CAMSAP2: variants seen among roughly 807,000 people sequenced by gnomAD.
The protein encoded by CAMSAP2 is calmodulin regulated spectrin associated protein family member 2.
In CAMSAP2, 26 loss-of-function variants were observed where a neutral mutation model predicts 146.1. That is an observed-to-expected ratio of 0.18 (90% CI 0.13 to 0.25). The LOEUF (loss-of-function observed/expected upper bound fraction) is 0.25. Among genes scored for constraint, CAMSAP2 ranks in the 10% least tolerant of loss-of-function variants. CAMSAP2 has a pLI of 1.00. For missense variants in CAMSAP2, 1,381 were observed against 1,759.3 expected (o/e 0.78, Z 3.85); for synonymous variants, 499 against 596.6 (o/e 0.84, Z 2.38).
chr1:200,739,765 T>G lies in CAMSAP2; in HGVS notation c.-63T>G. On this transcript the variant is annotated 5_prime_UTR_variant, in exon 1 of 17. Transcript: ENST00000358823. This position sits in a 1 kb window ranked among gnomAD's most constrained non-coding sequence, Gnocchi z 4.8. ...GCTTCTCCCTCCCTCCCGACCCCCG[T>G]GGTGGCGAGGCCACGCCATGTGAAG... 37 of 1,406,658 alleles carry G rather than the reference T, an allele frequency of 2.6e-5. No individual in the cohort carries two copies. The highest frequency in any genetic ancestry group is 3.4e-5 in the Non-Finnish European group (35 of 1,034,188). The allele number at this position is 1,406,658 out of a possible 1,614,324, so 87.1% of individuals were successfully genotyped here. A position where few individuals can be genotyped will look rare whatever the true frequency, so the allele number is the denominator to read the frequency against.
At chr1:200,781,551 GT>G (rs528277186) in intron 2 of CAMSAP2, among the ~76,000 whole-genome samples, 3 of 151,274 alleles carry the variant, frequency 2.0e-5, no homozygotes, top group African/African-American at 7.3e-5. Flanking sequence ...GTTTGTTTTT[GT>G]TTTTTTTGAG....
At chr1:200,768,233 G>A (rs1273390966) in intron 2 of CAMSAP2, among the ~76,000 whole-genome samples, 1 of 152,166 alleles carries the variant, frequency 6.6e-6, no homozygotes, top group African/African-American at 2.4e-5. Flanking sequence ...GGATGCGGAG[G>A]AATTTACCAC....
Position 200,858,078 on chromosome 1 carries a change from T to A in CAMSAP2, c.*19T>A. 1 of 1,527,694 alleles carries A rather than the reference T, an allele frequency of 6.5e-7. No homozygotes were observed. Among genetic ancestry groups the A allele is most frequent in the Non-Finnish European group, 8.8e-7 (1 of 1,141,242 alleles). 94.6% of individuals were successfully genotyped at this position (1,527,694 alleles called of 1,614,324 possible). On this transcript the variant is annotated 3_prime_UTR_variant, in exon 17 of 17. Coordinates refer to ENST00000358823, the MANE Select transcript of CAMSAP2 (RefSeq NM_203459.4). Reference sequence around the variant, plus strand: ...GGCATAGAAGTTGGGAAATACTTGCTTCAGAACATTCATGGTAAATTTGCA... The same window carrying A: ...GGCATAGAAGTTGGGAAATACTTGCATCAGAACATTCATGGTAAATTTGCA...
Position 200,739,942 on chromosome 1 carries a change from C to G in CAMSAP2, c.115C>G (p.Leu39Val), listed in dbSNP as rs1280293289. 20 of 1,614,050 alleles carry G rather than the reference C, an allele frequency of 1.2e-5. No individual in the cohort carries two copies. The highest frequency in any genetic ancestry group is 1.7e-5 in the Non-Finnish European group (20 of 1,180,008). Residue 39 changes from leucine (L) to valine (V), a missense_variant, in exon 1 of 17, where the codon CTG becomes GTG. By Grantham distance (32) the Leu-to-Val change is conservative (BLOSUM62 1). Transcript: ENST00000358823. The surrounding 1 kb of genome is among the most constrained non-coding windows in gnomAD (Gnocchi z 4.8). ...RAKIACNLAW[L>V]VAKAFGTENV... is the part of the protein sequence containing the mutation. ...CAAAATCGCCTGCAATCTGGCCTGGCTGGTGGCCAAAGCCTTTGGGACAGG... is the reference window on the plus strand; with the variant it reads ...CAAAATCGCCTGCAATCTGGCCTGGGTGGTGGCCAAAGCCTTTGGGACAGG...
chr1:200,763,316 A>T (rs1410186050), intron 2 of CAMSAP2, among the ~76,000 whole-genome samples: 2 of 152,122 alleles, frequency 1.3e-5, no homozygotes, highest in African/African-American at 2.4e-5. Context: ...AGGCTGGCGG[A>T]TCACCTGAGG....
rs71635518 is a variant in CAMSAP2, at chr1:200,849,533, C to T, written c.2764C>T (p.Pro922Ser). The change falls in exon 11 of 17, where the codon CCA (proline) becomes TCA (serine). Residue 922 changes from proline to serine, a missense_variant. Transcript: ENST00000358823. This position sits in a 1 kb window ranked among gnomAD's most constrained non-coding sequence, Gnocchi z 6.3. ...REQQSWVISPPQPSPQKQIRD... is the reference protein window; with the variant it reads ...REQQSWVISPSQPSPQKQIRD... ...GCAACAATCTTGGGTGATTTCACCT[C>T]CACAACCCTCTCCACAGAAACAGAT... 1 of 1,614,194 alleles carries T rather than the reference C, an allele frequency of 6.2e-7. No individual in the cohort carries two copies. Among genetic ancestry groups the T allele is most frequent in the South Asian group, 1.1e-5 (1 of 91,088 alleles).
chr1:200,770,671 C>T (rs1665091025), intron 2 of CAMSAP2, among the ~76,000 whole-genome samples: 1 of 152,164 alleles, frequency 6.6e-6, no homozygotes, highest in African/African-American at 2.4e-5. Flanking sequence ...ACCTCGGCCT[C>T]CCAAAGTGCT....
At chr1:200,841,588 A>G (rs554522081) in intron 6 of CAMSAP2, among the ~76,000 whole-genome samples, 7 of 152,252 alleles carry the variant, frequency 4.6e-5, no homozygotes, top group African/African-American at 1.4e-4. Flanking sequence ...TACGTTTTGG[A>G]GAAATTTCTA....
At chr1:200,764,608 CT>C (rs1664888922) in intron 2 of CAMSAP2, among the ~76,000 whole-genome samples, 1 of 151,982 alleles carries the variant, frequency 6.6e-6, no homozygotes, top group South Asian at 2.1e-4. Flanking sequence ...AATAACATGC[CT>C]TGTATGCATA....
At chr1:200,821,625 T>C (rs1558194433) in intron 4 of CAMSAP2, among the ~76,000 whole-genome samples, 1 of 152,184 alleles carries the variant, frequency 6.6e-6, no homozygotes, top group Non-Finnish European at 1.5e-5. Flanking sequence ...CCTCCCAGAG[T>C]GCTGGGATTA....
At chr1:200,819,059 G>A (rs780188599) in intron 4 of CAMSAP2, among the ~76,000 whole-genome samples, 15 of 152,058 alleles carry the variant, frequency 9.9e-5, no homozygotes, top group Non-Finnish European at 1.8e-4. Context: ...CCATATTCTT[G>A]GTAAAATATA....
At chr1:200,817,193 T>A (rs938382019) in intron 4 of CAMSAP2, among the ~76,000 whole-genome samples, 33 of 83,242 alleles carry the variant, frequency 4.0e-4, no homozygotes, top group South Asian at 3.5e-3. Flanking sequence ...CACACACATG[T>A]GTGTGTGTAT....
At position 200,853,723 on chromosome 1, in the gene CAMSAP2, C is replaced by A. The variant is rs193269895; in HGVS notation, c.3823+228C>A. Among the ~76,000 whole-genome samples, 4 of 152,300 alleles carry A rather than the reference C, an allele frequency of 2.6e-5. No homozygotes were observed. Among genetic ancestry groups the A allele is most frequent in the Admixed American group, 2.6e-4 (4 of 15,290 alleles). ...CAAATGTGAATGCTAAAAATCAAAT[C>A]TAAATATTAATCTATTAGGGAACTG... On this transcript the variant is annotated intron_variant, in intron 13 of 16. Transcript: ENST00000358823. The surrounding 1 kb of genome is among the most constrained non-coding windows in gnomAD (Gnocchi z 5.1).
rs1667844651 is a variant in CAMSAP2, at chr1:200,860,200, GC to G, written c.*2142del. On this transcript the variant is annotated 3_prime_UTR_variant, in exon 17 of 17. Coordinates refer to ENST00000358823, the MANE Select transcript of CAMSAP2 (RefSeq NM_203459.4). The stretch of plus-strand genomic sequence containing the variant: ...AATATGGATATATTTCTTTAAGTCT[GC>G]AGATTTTTTTATTATGGTGCAGCTT... 6.6e-6 allele frequency: 1 copy of G among 152,560 alleles called. No homozygotes were observed. The highest frequency in any genetic ancestry group is 2.4e-5 in the African/African-American group (1 of 41,410). 9.5% of individuals were successfully genotyped at this position (152,560 alleles called of 1,614,324 possible).
At chr1:200,805,384 C>A (rs1231806806) in intron 2 of CAMSAP2, among the ~76,000 whole-genome samples, 1 of 152,158 alleles carries the variant, frequency 6.6e-6, no homozygotes, top group Admixed American at 6.5e-5. Context: ...CTGCTAGTTG[C>A]CAGATACCAC....
chr1:200,847,860 A>G (rs1361941899), intron 10 of CAMSAP2, 151 bp downstream of exon 10: 2 of 856,020 alleles, frequency 2.3e-6, no homozygotes, highest in Non-Finnish European at 3.6e-6. Context: ...TAGAGATGTA[A>G]AAGAGGCTAA....
intron 2 of CAMSAP2, among the ~76,000 whole-genome samples, chr1:200,780,254 A>G (rs549915026): frequency 6.6e-6 from 1 of 152,328 alleles, no homozygotes; most frequent in South Asian, 2.1e-4. Flanking sequence ...CCAAAATTAC[A>G]GAGGTCGATG....
At position 200,857,651 on chromosome 1, in the gene CAMSAP2, T is replaced by G; in HGVS notation, c.4132-103T>G. The G allele has an allele frequency of 9.2e-7, 1 of 1,084,156 alleles. No homozygotes were observed. Among genetic ancestry groups the G allele is most frequent in the Non-Finnish European group, 1.3e-6 (1 of 763,516 alleles). The allele number at this position is 1,084,156 out of a possible 1,614,324, so 67.2% of individuals were successfully genotyped here. A position where few individuals can be genotyped will look rare whatever the true frequency, so the allele number is the denominator to read the frequency against. Reference sequence around the variant, plus strand: ...AAGATTTGTCATTGAAATAATGTTATAAAATGTGACTAAGAAACGTAACAT... The same window carrying G: ...AAGATTTGTCATTGAAATAATGTTAGAAAATGTGACTAAGAAACGTAACAT... On this transcript the variant is annotated intron_variant, in intron 16 of 16. Coordinates refer to ENST00000358823, the MANE Select transcript of CAMSAP2 (RefSeq NM_203459.4). This position sits in a 1 kb window ranked among gnomAD's most constrained non-coding sequence, Gnocchi z 4.7.
At chr1:200,746,700 G>C (rs1047295052) in intron 1 of CAMSAP2, among the ~76,000 whole-genome samples, 1 of 150,406 alleles carries the variant, frequency 6.6e-6, no homozygotes, top group African/African-American at 2.5e-5. Context: ...CTCACTGCAA[G>C]CTCCGCCTCC....
Sources: gnomAD v4.1 joint callset for allele counts (sites outside exome capture counted in the v4.1 genomes callset) on GRCh38, gnomAD v4.1.1 for gene constraint, Gnocchi (gnomAD v3.1) non-coding constraint, MANE v1.5 for transcripts, NCBI Gene and HGNC (gene_info 2026-07-23, HGNC 2026-07-21) for gene names.